The following OR1C1 variants were observed in gnomAD, a reference collection of about 807,000 sequenced individuals.
OR1C1 encodes the protein olfactory receptor 1C1.
For missense variants in OR1C1, 407 were observed against 384.3 expected (o/e 1.06, Z -0.49); for synonymous variants, 153 against 154.6 (o/e 0.99, Z 0.08).
rs200878517 is a variant in OR1C1 at position 247,757,659 on chromosome 1, A to G, written c.748T>C (p.Leu250=). ...ACGGCGATGGCTGTGCCGTAAAACA[A>G]CACCACCACTGACAGGTGGCAGCTG... ...TCSCHLSVVV[L]FYGTAIAVYF... Residue 250 remains leucine (L), a synonymous_variant, in exon 2 of 2, where the codon TTG becomes CTG. Coordinates refer to ENST00000641256, the MANE Select transcript of OR1C1 (RefSeq NM_012353.3). 9.3e-6 allele frequency: 15 copies of G among 1,614,104 alleles called. No individual in the cohort carries two copies. The highest frequency in any genetic ancestry group is 2.2e-5 in the East Asian group (1 of 44,878).
In OR1C1 at chr1:247,755,397, A is replaced by G. The variant is rs1661193489; in HGVS notation, c.*2065T>C. 1 of 152,192 alleles carries G rather than the reference A, an allele frequency of 6.6e-6. No homozygotes were observed. Among genetic ancestry groups the G allele is most frequent in the African/African-American group, 2.4e-5 (1 of 41,464 alleles). 9.4% of individuals were successfully genotyped at this position (152,192 alleles called of 1,614,324 possible). A position where few individuals can be genotyped will look rare whatever the true frequency, so the allele number is the denominator to read the frequency against. On this transcript the variant is annotated 3_prime_UTR_variant, in exon 2 of 2. Transcript: ENST00000641256. The stretch of plus-strand genomic sequence containing the variant: ...CTACAAAATGGGAGAAAATATTTGC[A>G]AATCATACATCTGATAAGGAGTTAA...
rs141675722 is a variant in OR1C1 at position 247,755,749 on chromosome 1, G to A, written c.*1713C>T. ...TAGCCCTTATGGAAAACAGTATGAC[G>A]TTTACTCAAAAAATTAAAAATAGAA... On this transcript the variant is annotated 3_prime_UTR_variant, in exon 2 of 2. Coordinates refer to ENST00000641256, the MANE Select transcript of OR1C1 (RefSeq NM_012353.3). 4 of 152,190 alleles carry A rather than the reference G, an allele frequency of 2.6e-5. No individual in the cohort carries two copies. The highest frequency in any genetic ancestry group is 4.4e-5 in the Non-Finnish European group (3 of 68,016). The allele number at this position is 152,190 out of a possible 1,614,324, so 9.4% of individuals were successfully genotyped here.
rs1176962495 is a variant in OR1C1, at chr1:247,758,455, AGT to A, written c.-13-38_-13-37del. 2.7e-6 allele frequency: 3 copies of A among 1,094,768 alleles called. No homozygotes were observed. The African/African-American group carries it at 4.7e-5, about 17-fold the overall frequency. 67.8% of individuals were successfully genotyped at this position (1,094,768 alleles called of 1,614,324 possible). ...AAGTTATTAAATTGTAAAAGCCAGC[AGT>A]GTTAAGTCTCTTATTCATGAGAGAG... is the stretch of plus-strand genomic sequence containing the variant. On this transcript the variant is annotated intron_variant, in intron 1 of 1. Transcript: ENST00000641256.
In OR1C1 at chr1:247,756,334, T is replaced by C. The variant is rs1241989746; in HGVS notation, c.*1128A>G. ...ATCTATATCAACATTGTTGCTTTTTTGAAGAAACTTTTTTTCCCTGAATGG... is the reference window on the plus strand; with the variant it reads ...ATCTATATCAACATTGTTGCTTTTTCGAAGAAACTTTTTTTCCCTGAATGG... On this transcript the variant is annotated 3_prime_UTR_variant, in exon 2 of 2. Coordinates refer to ENST00000641256, the MANE Select transcript of OR1C1 (RefSeq NM_012353.3). The surrounding 1 kb of genome is among the most constrained non-coding windows in gnomAD (Gnocchi z 4.3). The C allele has an allele frequency of 1.3e-5, 2 of 152,186 alleles. No homozygotes were observed. The highest frequency in any genetic ancestry group is 2.9e-5 in the Non-Finnish European group (2 of 68,028). The allele number at this position is 152,186 out of a possible 1,614,324, so 9.4% of individuals were successfully genotyped here.
In OR1C1 at chr1:247,755,542, C is replaced by T. The variant is rs1661196010; in HGVS notation, c.*1920G>A. ...TCTCACAAGAAGACATTCAAATTGC[C>T]AACAGATATGAAAAAATGCTCAAAA... On this transcript the variant is annotated 3_prime_UTR_variant, in exon 2 of 2. Transcript: ENST00000641256. 1 of 151,794 alleles carries T rather than the reference C, an allele frequency of 6.6e-6. No individual in the cohort carries two copies. The highest frequency in any genetic ancestry group is 2.1e-4 in the South Asian group (1 of 4,790). 9.4% of individuals were successfully genotyped at this position (151,794 alleles called of 1,614,324 possible). A position where few individuals can be genotyped will look rare whatever the true frequency, so the allele number is the denominator to read the frequency against.
In OR1C1 at chr1:247,755,969, T is replaced by G. The variant is rs1661204192; in HGVS notation, c.*1493A>C. ...CACCGAAACTTCTAAGCTTAAACAGTTTTCTACACCTACACTCTAGTGAAG... is the reference window on the plus strand; with the variant it reads ...CACCGAAACTTCTAAGCTTAAACAGGTTTCTACACCTACACTCTAGTGAAG... On this transcript the variant is annotated 3_prime_UTR_variant, in exon 2 of 2. Transcript: ENST00000641256. The G allele has an allele frequency of 6.6e-6, 1 of 152,084 alleles. No individual in the cohort carries two copies. Among genetic ancestry groups the G allele is most frequent in the African/African-American group, 2.4e-5 (1 of 41,418 alleles). The allele number at this position is 152,084 out of a possible 1,614,324, so 9.4% of individuals were successfully genotyped here. A position where few individuals can be genotyped will look rare whatever the true frequency, so the allele number is the denominator to read the frequency against.
In OR1C1 at chr1:247,757,862, T is replaced by C. The variant is rs200543755; in HGVS notation, c.545A>G (p.Asn182Ser). The C allele has an allele frequency of 6.2e-6, 10 of 1,613,656 alleles. No homozygotes were observed. The Admixed American group carries it at 8.3e-5, about 13-fold the overall frequency. ...AGAGCAAGAGAGCTGCAGGAGAGGA[T>C]TGAGATCACAGAAGAAATGATGGAT... ...NIIHHFFCDL[N>S]PLLQLSCSDV... The change falls in exon 2 of 2, where the codon AAT (asparagine) becomes AGT (serine). Residue 182 changes from asparagine (N) to serine (S), a missense_variant. Coordinates refer to ENST00000641256, the MANE Select transcript of OR1C1 (RefSeq NM_012353.3).
intron 1 of OR1C1, chr1:247,758,823 C>T (rs2103235761): frequency 6.1e-6 from 1 of 163,168 alleles, no homozygotes; most frequent in East Asian, 1.7e-4. Flanking sequence ...AAATATTTAC[C>T]TCTAATAAAT....
intron 1 of OR1C1, 22 bp from the exon 2 acceptor site, chr1:247,758,441 T>C (rs759777994): frequency 1.5e-6 from 2 of 1,293,394 alleles, no homozygotes; most frequent in East Asian, 4.9e-5. Flanking sequence ...AGTTATTAAA[T>C]TGTAAAAGCC....
chr1:247,758,487 A>AGTGT (rs61126187), intron 1 of OR1C1, 68 bp from the exon 2 acceptor site: 93,162 of 589,564 alleles, frequency 0.16, 2,320 homozygotes, highest in Admixed American at 0.23. Flanking sequence ...AGAGAGAGAC[A>AGTGT]GTGTGTGTGT....
At position 247,757,910 on chromosome 1, in the gene OR1C1, A is replaced by G; in HGVS notation, c.497T>C (p.Leu166Pro). The change falls in exon 2 of 2, where the codon CTG becomes CCG. Residue 166 changes from leucine (L) to proline (P), a missense_variant. Transcript: ENST00000641256. The stretch of plus-strand genomic sequence containing the variant: ...GATGATATTGGAGGCACAGAAGGAC[A>G]GCTGTGCTATTAGGACAGTATGCAG... ...ALLHTVLIAQLSFCASNIIHH... is the reference protein window; with the variant it reads ...ALLHTVLIAQPSFCASNIIHH... 1 of 1,613,914 alleles carries G rather than the reference A, an allele frequency of 6.2e-7. No homozygotes were observed. The highest frequency in any genetic ancestry group is 8.5e-7 in the Non-Finnish European group (1 of 1,179,834).
rs759546452 is a variant in OR1C1 at position 247,758,146 on chromosome 1, A to G, written c.261T>C (p.Thr87=). Residue 87 remains threonine, a synonymous_variant, in exon 2 of 2, where the codon ACT becomes ACC. Coordinates refer to ENST00000641256, the MANE Select transcript of OR1C1 (RefSeq NM_012353.3). ...CTGCAAAAGAGATAGTCTTGGTGCC[A>G]GTCAAGATATTCACTACCATTTGGG... ...TVPQMVVNIL[T]GTKTISFAGC... The G allele has an allele frequency of 6.2e-7, 1 of 1,614,140 alleles. No individual in the cohort carries two copies. Among genetic ancestry groups the G allele is most frequent in the Non-Finnish European group, 8.5e-7 (1 of 1,180,000 alleles).
chr1:247,758,486 CAG>C, intron 1 of OR1C1, 67 bp from the exon 2 acceptor site: 2 of 714,524 alleles, frequency 2.8e-6, no homozygotes, highest in South Asian at 3.6e-5. Flanking sequence ...GAGAGAGAGA[CAG>C]TGTGTGTGTG....
rs1661231152 is a variant in OR1C1 at position 247,757,523 on chromosome 1, C to T, written c.884G>A (p.Arg295Lys). 3.7e-6 allele frequency: 6 copies of T among 1,613,986 alleles called. No homozygotes were observed. The highest frequency in any genetic ancestry group is 5.1e-6 in the Non-Finnish European group (6 of 1,179,992). The part of the protein sequence containing the change: ...LNPFIYTLRN[R>K]DMKRGLQKML... ...TTTCTGAAGTCCCCTCTTCATATCC[C>T]TGTTCCTTAGGGTATAGATGAAAGG... is the stretch of plus-strand genomic sequence containing the variant. Residue 295 changes from arginine to lysine, a missense_variant, in exon 2 of 2, where the codon AGG (arginine) becomes AAG (lysine). Physicochemically the swap from Arg to Lys is conservative, Grantham distance 26. Coordinates refer to ENST00000641256, the MANE Select transcript of OR1C1 (RefSeq NM_012353.3).
At position 247,758,094 on chromosome 1, in the gene OR1C1, C is replaced by A. The variant is rs552057368; in HGVS notation, c.313G>T (p.Val105Phe). 1 of 1,614,020 alleles carries A rather than the reference C, an allele frequency of 6.2e-7. No homozygotes were observed. Among genetic ancestry groups the A allele is most frequent in the East Asian group, 2.2e-5 (1 of 44,848 alleles). ...AGCLTQLFFF[V>F]SFVNMDSLLL... is the part of the protein sequence containing the mutation. ...AGGCTGTCCATATTCACAAAAGAAA[C>A]GAAGAAGAAGAGCTGGGTGAGGCAG... The change falls in exon 2 of 2, where the codon GTT becomes TTT. Residue 105 changes from valine (V) to phenylalanine (F), a missense_variant. By Grantham distance (50) the Val-to-Phe change is conservative. Coordinates refer to ENST00000641256, the MANE Select transcript of OR1C1 (RefSeq NM_012353.3).
chr1:247,757,725 T>C lies in OR1C1; in HGVS notation c.682A>G (p.Ile228Val). 6.2e-7 allele frequency: 1 copy of C among 1,613,992 alleles called. No homozygotes were observed. Among genetic ancestry groups the C allele is most frequent in the East Asian group, 2.2e-5 (1 of 44,874 alleles). ...CTCTGCTTGCCCTGAGTAGAGGTGA[T>C]CTTCAGAACAGTGGAGAAGATAAGT... The part of the protein sequence containing the change: ...YGLIFSTVLK[I>V]TSTQGKQRAV... Residue 228 changes from isoleucine (I) to valine (V), a missense_variant, in exon 2 of 2, where the codon ATC becomes GTC. Coordinates refer to ENST00000641256, the MANE Select transcript of OR1C1 (RefSeq NM_012353.3).
chr1:247,757,549 A>T lies in OR1C1; in HGVS notation c.858T>A (p.Asn286Lys). Residue 286 changes from asparagine to lysine, a missense_variant, in exon 2 of 2, where the codon AAT (asparagine) becomes AAA (lysine). Transcript: ENST00000641256. Reference protein sequence around the residue: ...IMYSMVAPMLNPFIYTLRNRD... With the variant: ...IMYSMVAPMLKPFIYTLRNRD... ...TGTTCCTTAGGGTATAGATGAAAGG[A>T]TTCAGCATCGGAGCCACCATTGAAT... 6.2e-7 allele frequency: 1 copy of T among 1,614,068 alleles called. No individual in the cohort carries two copies. Among genetic ancestry groups the T allele is most frequent in the South Asian group, 1.1e-5 (1 of 91,086 alleles).
intron 1 of OR1C1, among the ~76,000 whole-genome samples, chr1:247,759,870 G>A (rs1661298543): frequency 6.6e-6 from 1 of 152,152 alleles, no homozygotes; most frequent in African/African-American, 2.4e-5. Flanking sequence ...AAGAAACTAT[G>A]CATGTATTTG....
chr1:247,759,977 C>G (rs191949283), intron 1 of OR1C1, among the ~76,000 whole-genome samples: 95 of 152,278 alleles, frequency 6.2e-4, no homozygotes, highest in African/African-American at 2.2e-3. Flanking sequence ...ACTCACTATA[C>G]AATATTCCTT....
Sources: allele counts gnomAD v4.1 joint callset (sites outside exome capture counted in the v4.1 genomes callset), GRCh38; gene constraint gnomAD v4.1.1; non-coding constraint Gnocchi (gnomAD v3.1); transcripts MANE v1.5; gene names NCBI Gene and HGNC (gene_info 2026-07-23, HGNC 2026-07-21).